Variants in CALN1 observed in about 807,000 individuals in gnomAD.
CALN1 encodes the protein calneuron 1.
In CALN1, 17 loss-of-function variants were observed where a neutral mutation model predicts 30.6. The observed-to-expected ratio is 0.56, with a 90% CI of 0.38 to 0.83. CALN1 has a LOEUF of 0.83. CALN1 is among the 40% of genes least tolerant of loss of function. CALN1 has a pLI of 0.00. For synonymous variants in CALN1, 156 were observed against 131.4 expected (o/e 1.19, Z -1.28); for missense variants, 291 against 354.9 (o/e 0.82, Z 1.45).
At chr7:72,079,708 A>ACCACTGGC (rs1296468883) in intron 4 of CALN1, among the ~76,000 whole-genome samples, 1 of 149,024 alleles carries the variant, frequency 6.7e-6, no homozygotes, top group Non-Finnish European at 1.5e-5. Context: ...ACTCACTGAA[A>ACCACTGGC]CCACTGGCCC....
In CALN1 at chr7:72,370,048, T is replaced by C. The variant is rs1374114061; in HGVS notation, c.119+33203A>G. The stretch of plus-strand genomic sequence containing the variant: ...TTATTTTTAAAACCACCAAACACCG[T>C]TAATACAAAATAGTTGTACCATTTT... On this transcript the variant is annotated intron_variant, in intron 2 of 6. Transcript: ENST00000395275. Among the ~76,000 whole-genome samples, 6 of 152,234 alleles carry C rather than the reference T, an allele frequency of 3.9e-5. 1 individual carries two copies. The highest frequency in any genetic ancestry group is 7.3e-5 in the Non-Finnish European group (5 of 68,052).
intron 2 of CALN1, among the ~76,000 whole-genome samples, chr7:72,329,133 T>G (rs1801486809): frequency 6.6e-6 from 1 of 152,276 alleles, no homozygotes; most frequent in Non-Finnish European, 1.5e-5. Flanking sequence ...TCCATTGTTC[T>G]TCTGTACCAC....
chr7:72,362,978 T>C (rs574656139), intron 2 of CALN1, among the ~76,000 whole-genome samples: 11 of 152,334 alleles, frequency 7.2e-5, no homozygotes, highest in East Asian at 5.8e-4. Context: ...TATTACTTCA[T>C]TGCAGGCAAT....
chr7:72,273,045 C>G (rs930918277), intron 3 of CALN1, among the ~76,000 whole-genome samples: 7 of 151,986 alleles, frequency 4.6e-5, no homozygotes, highest in African/African-American at 1.7e-4. Flanking sequence ...GGAACAACCA[C>G]CGAGACCCCC....
chr7:72,438,026 G>A (rs968468042), intron 1 of CALN1, among the ~76,000 whole-genome samples: 2 of 151,250 alleles, frequency 1.3e-5, no homozygotes, highest in East Asian at 1.9e-4. Flanking sequence ...CCAGGTTGGA[G>A]TGCAGTGGTT....
chr7:71,930,941 A>G (rs1346257383), intron 5 of CALN1, among the ~76,000 whole-genome samples: 1 of 152,194 alleles, frequency 6.6e-6, no homozygotes, highest in Non-Finnish European at 1.5e-5. Context: ...TACTTTTATA[A>G]CACCGTACAT....
At position 72,306,531 on chromosome 7, in the gene CALN1, C is replaced by A. The variant is rs79188344; in HGVS notation, c.120-27721G>T. Among the ~76,000 whole-genome samples the A allele has an allele frequency of 1.2e-4, 18 of 151,864 alleles. No homozygotes were observed. In the East Asian group the frequency reaches 3.1e-3, roughly 26 times the overall value. ...TAAATTTATGGTGTACTTGGTTTCTCCAGTCGCCCACCTGGCCTTCCAATC... is the reference window on the plus strand; with the variant it reads ...TAAATTTATGGTGTACTTGGTTTCTACAGTCGCCCACCTGGCCTTCCAATC... On this transcript the variant is annotated intron_variant, in intron 2 of 6. Transcript: ENST00000395275.
chr7:72,081,256 A>C (rs1033100710), intron 4 of CALN1, among the ~76,000 whole-genome samples: 22 of 152,200 alleles, frequency 1.4e-4, no homozygotes, highest in African/African-American at 5.1e-4. Context: ...AGGTTATGTT[A>C]GCAGAAACTT....
At chr7:71,940,759 A>G (rs7780787) in intron 5 of CALN1, among the ~76,000 whole-genome samples, 130,480 of 151,920 alleles carry the variant, frequency 0.86, 56,578 homozygotes, top group East Asian at 1. Context: ...CCACAGACAC[A>G]GACCACCACG....
intron 4 of CALN1, among the ~76,000 whole-genome samples, chr7:72,034,541 T>C (rs1350069297): frequency 2.7e-5 from 4 of 149,930 alleles, no homozygotes; most frequent in East Asian, 2.0e-4. Flanking sequence ...CCCTGTAATC[T>C]CAACACTTTG....
chr7:72,402,107 T>C (rs1164559452), intron 2 of CALN1, among the ~76,000 whole-genome samples: 1 of 152,212 alleles, frequency 6.6e-6, no homozygotes, highest in Non-Finnish European at 1.5e-5. Flanking sequence ...GCATTTGTCA[T>C]TTCCAGCTTT....
At chr7:71,965,593 A>T (rs1797492465) in intron 5 of CALN1, among the ~76,000 whole-genome samples, 1 of 151,990 alleles carries the variant, frequency 6.6e-6, no homozygotes, top group Non-Finnish European at 1.5e-5. Context: ...CAAACAAACA[A>T]ACATTAAATG....
At chr7:71,835,382 G>A (rs1215337819) in intron 5 of CALN1, among the ~76,000 whole-genome samples, 3 of 152,146 alleles carry the variant, frequency 2.0e-5, no homozygotes, top group Non-Finnish European at 4.4e-5. Flanking sequence ...ATGGCGGCAC[G>A]GGGTAAGTGG....
At chr7:71,942,975 C>T (rs377648494) in intron 5 of CALN1, among the ~76,000 whole-genome samples, 2 of 152,170 alleles carry the variant, frequency 1.3e-5, no homozygotes, top group Non-Finnish European at 2.9e-5. Context: ...TCCCTTCCCC[C>T]GTTCCAATCT....
At chr7:72,028,563 C>T (rs1013786962) in intron 4 of CALN1, among the ~76,000 whole-genome samples, 3 of 152,150 alleles carry the variant, frequency 2.0e-5, no homozygotes, top group Non-Finnish European at 2.9e-5. Flanking sequence ...CCAACTATGG[C>T]GTGGAGTACA....
At chr7:72,355,248 G>A (rs532281498) in intron 2 of CALN1, among the ~76,000 whole-genome samples, 173 of 152,282 alleles carry the variant, frequency 1.1e-3, no homozygotes, top group Non-Finnish European at 2.2e-3. Flanking sequence ...CAAATTGGCC[G>A]GCCGCTGTGG....
intron 3 of CALN1, among the ~76,000 whole-genome samples, chr7:72,229,712 C>G (rs545791976): frequency 2.0e-5 from 3 of 152,040 alleles, no homozygotes; most frequent in African/African-American, 4.8e-5. Context: ...TGTTCTCACT[C>G]ATAAGTGGAA....
intron 4 of CALN1, among the ~76,000 whole-genome samples, chr7:72,072,863 T>C (rs1443926410): frequency 6.6e-6 from 1 of 152,158 alleles, no homozygotes; most frequent in Non-Finnish European, 1.5e-5. Context: ...ATGTTAAATA[T>C]AATCCCCATG....
intron 6 of CALN1, among the ~76,000 whole-genome samples, chr7:71,810,015 G>A (rs576712003): frequency 2.6e-5 from 4 of 152,076 alleles, no homozygotes; most frequent in African/African-American, 7.2e-5. Context: ...TCTTTGCACC[G>A]CCCCATGCAG....
Sources: gnomAD v4.1 joint callset for allele counts (sites outside exome capture counted in the v4.1 genomes callset) on GRCh38, gnomAD v4.1.1 for gene constraint, MANE v1.5 for transcripts, NCBI Gene and HGNC (gene_info 2026-07-23, HGNC 2026-07-21) for gene names.